PPARGC1A: variants seen among roughly 807,000 people sequenced by gnomAD.
PPARGC1A encodes the protein peroxisome proliferator-activated receptor gamma coactivator 1-alpha.
Under a neutral mutation model 88.7 loss-of-function variants are expected in PPARGC1A, and 25 were observed. The ratio of observed to expected loss-of-function variants is 0.28; its 90% CI spans 0.21 to 0.39. The LOEUF (loss-of-function observed/expected upper bound fraction) is 0.39. PPARGC1A is among the 10% of genes least tolerant of loss of function. The probability of loss-of-function intolerance (pLI) is 1.00; values close to 1 mark genes in which losing one functional copy is unlikely to be tolerated. For synonymous variants in PPARGC1A, 363 were observed against 355.6 expected (o/e 1.02, Z -0.24); for missense variants, 880 against 968.7 (o/e 0.91, Z 1.22).
At chr4:23,829,847 C>T (rs1349803796) in intron 3 of PPARGC1A, among the ~76,000 whole-genome samples, 3 of 151,834 alleles carry the variant, frequency 2.0e-5, no homozygotes, top group Admixed American at 1.3e-4. Context: ...TGCATAAGAA[C>T]AAAAATGCAA....
chr4:24,166,256 C>T, the PPARGC1A span, among the ~76,000 whole-genome samples: 2 of 152,164 alleles, frequency 1.3e-5, no homozygotes, highest in Non-Finnish European at 2.9e-5. Flanking sequence ...AAGAAAAGTC[C>T]GAAGCTGGCA....
At chr4:23,947,406 G>A in the PPARGC1A span, among the ~76,000 whole-genome samples, 4 of 104,248 alleles carry the variant, frequency 3.8e-5, no homozygotes, top group Admixed American at 2.1e-4. Context: ...TAAAAAAAAC[G>A]GTGATGGAGA....
chr4:24,095,210 C>G, the PPARGC1A span, among the ~76,000 whole-genome samples: 1 of 151,388 alleles, frequency 6.6e-6, no homozygotes, highest in Non-Finnish European at 1.5e-5. Flanking sequence ...CTGTGCCTCC[C>G]GGGTTCAAGC....
At chr4:23,815,125 G>GAA (rs5856793) in intron 7 of PPARGC1A, among the ~76,000 whole-genome samples, 2,625 of 121,286 alleles carry the variant, frequency 0.022, 92 homozygotes, top group African/African-American at 0.075. Flanking sequence ...CAACTTAGAA[G>GAA]AAAAAAAAAA....
the PPARGC1A span, among the ~76,000 whole-genome samples, chr4:24,350,975 CA>C: frequency 3.0e-4 from 3 of 10,130 alleles, 1 homozygote; most frequent in Non-Finnish European, 3.6e-4. Context: ...AGAAAAAGAA[CA>C]ATTTTTTTTT....
chr4:24,152,821 A>G, the PPARGC1A span, among the ~76,000 whole-genome samples: 771 of 152,198 alleles, frequency 5.1e-3, 15 homozygotes, highest in Non-Finnish European at 1.9e-3. Flanking sequence ...TTCTACCCCA[A>G]CTCTAGGTCT....
chr4:24,002,469 A>T, the PPARGC1A span, among the ~76,000 whole-genome samples: 9 of 152,064 alleles, frequency 5.9e-5, no homozygotes, highest in Non-Finnish European at 1.3e-4. Context: ...CTGACTCATT[A>T]CTTCTAGGGA....
the PPARGC1A span, among the ~76,000 whole-genome samples, chr4:24,376,563 T>C: frequency 6.2e-3 from 951 of 152,326 alleles, 7 homozygotes; most frequent in African/African-American, 0.022. Flanking sequence ...ATAAAACGAA[T>C]TGCAAGAGAG....
chr4:23,807,621 A>G (rs1720048136), intron 10 of PPARGC1A, among the ~76,000 whole-genome samples: 1 of 152,208 alleles, frequency 6.6e-6, no homozygotes, highest in Non-Finnish European at 1.5e-5. Context: ...CATATTAAAC[A>G]TATACATTTT....
chr4:24,277,543 T>C, the PPARGC1A span, among the ~76,000 whole-genome samples: 2 of 152,100 alleles, frequency 1.3e-5, no homozygotes, highest in Admixed American at 1.3e-4. Flanking sequence ...GGTATATGTA[T>C]GCAACAGAAA....
the PPARGC1A span, among the ~76,000 whole-genome samples, chr4:24,121,410 C>T: frequency 6.6e-6 from 1 of 152,194 alleles, no homozygotes; most frequent in African/African-American, 2.4e-5. Context: ...CTTTGCTCCT[C>T]CTCCTCATTG....
chr4:24,100,555 C>T, the PPARGC1A span, among the ~76,000 whole-genome samples: 1 of 152,292 alleles, frequency 6.6e-6, no homozygotes, highest in East Asian at 1.9e-4. Context: ...CATGACGCCG[C>T]CTCTGGACGT....
the PPARGC1A span, among the ~76,000 whole-genome samples, chr4:24,372,533 T>C: frequency 6.6e-6 from 1 of 152,232 alleles, no homozygotes; most frequent in Non-Finnish European, 1.5e-5. Context: ...TCGTTTCTAT[T>C]TGTTCTACAC....
At chr4:24,147,395 AG>A in the PPARGC1A span, among the ~76,000 whole-genome samples, 5 of 152,288 alleles carry the variant, frequency 3.3e-5, no homozygotes, top group African/African-American at 9.6e-5. Flanking sequence ...CTCTGGTTAC[AG>A]GCTACATTTC....
the PPARGC1A span, among the ~76,000 whole-genome samples, chr4:24,365,768 T>A: frequency 8.5e-5 from 13 of 152,180 alleles, no homozygotes; most frequent in African/African-American, 2.7e-4. Flanking sequence ...AGTTTTTTTT[T>A]AATATATGCT....
At chr4:24,351,710 A>G in the PPARGC1A span, among the ~76,000 whole-genome samples, 2 of 152,140 alleles carry the variant, frequency 1.3e-5, no homozygotes, top group Admixed American at 1.3e-4. Context: ...TTAAGAGTTG[A>G]GCTAAGGAAA....
At chr4:24,373,889 T>C in the PPARGC1A span, among the ~76,000 whole-genome samples, 1 of 152,224 alleles carries the variant, frequency 6.6e-6, no homozygotes, top group African/African-American at 2.4e-5. Context: ...TGCTATGTGA[T>C]AGCAAACACA....
the PPARGC1A span, among the ~76,000 whole-genome samples, chr4:24,143,200 T>TTTAA: frequency 6.6e-6 from 1 of 152,226 alleles, no homozygotes; most frequent in Non-Finnish European, 1.5e-5. Flanking sequence ...TTTTCATTTC[T>TTTAA]TTAATTGTTC....
chr4:23,921,101 T>C, the PPARGC1A span, among the ~76,000 whole-genome samples: 6 of 151,830 alleles, frequency 4.0e-5, no homozygotes, highest in African/African-American at 1.5e-4. Flanking sequence ...CTACACCACT[T>C]TGAGCACAGT....
Sources: gnomAD v4.1 joint callset for allele counts (sites outside exome capture counted in the v4.1 genomes callset) on GRCh38, gnomAD v4.1.1 for gene constraint, MANE v1.5 for transcripts, NCBI Gene and HGNC (gene_info 2026-07-23, HGNC 2026-07-21) for gene names.